OSBPL8: variants seen among roughly 807,000 people sequenced by gnomAD.
OSBPL8 encodes the protein oxysterol-binding protein-related protein 8.
In OSBPL8, 59 loss-of-function variants were observed where a neutral mutation model predicts 125.5. The observed-to-expected ratio is 0.47, with a 90% CI of 0.38 to 0.58. The LOEUF (loss-of-function observed/expected upper bound fraction) is 0.58, where lower values mean the gene tolerates loss of function less well. OSBPL8 is among the 20% of genes least tolerant of loss of function. The pLI, the probability that OSBPL8 is intolerant of heterozygous loss-of-function variation, is 0.00. For missense variants in OSBPL8, 758 were observed against 1,047.8 expected (o/e 0.72, Z 3.82); for synonymous variants, 330 against 338.9 (o/e 0.97, Z 0.29).
At chr12:76,446,926 G>T (rs936093025) in intron 4 of OSBPL8, among the ~76,000 whole-genome samples, 1 of 151,994 alleles carries the variant, frequency 6.6e-6, no homozygotes, top group African/African-American at 2.4e-5. Context: ...TTCACATTAC[G>T]CCTTCAATCA....
chr12:76,498,175 C>T (rs1879476957), intron 1 of OSBPL8, among the ~76,000 whole-genome samples: 2 of 152,122 alleles, frequency 1.3e-5, no homozygotes, highest in African/African-American at 2.4e-5. Flanking sequence ...GAGGCCCAGG[C>T]GGGCGGATCA....
At chr12:76,479,121 G>A (rs920699449) in intron 2 of OSBPL8, among the ~76,000 whole-genome samples, 1 of 152,082 alleles carries the variant, frequency 6.6e-6, no homozygotes, top group Non-Finnish European at 1.5e-5. Context: ...CCCTTTAATA[G>A]AAGTTTCAAT....
At chr12:76,403,695 T>A (rs772406584) in intron 5 of OSBPL8, among the ~76,000 whole-genome samples, 4 of 152,190 alleles carry the variant, frequency 2.6e-5, no homozygotes, top group Non-Finnish European at 5.9e-5. Flanking sequence ...TTAGCAGTAC[T>A]CCTAAGCAGT....
chr12:76,482,614 A>C (rs1262044516), intron 2 of OSBPL8, among the ~76,000 whole-genome samples: 1 of 100,978 alleles, frequency 9.9e-6, no homozygotes, highest in Non-Finnish European at 2.3e-5. Context: ...ACTCCGTTTC[A>C]AAAAAAAAAA....
chr12:76,468,866 C>T lies in OSBPL8; in HGVS notation c.43-8971G>A, dbSNP rs188275913. 2.1e-4 allele frequency among the ~76,000 whole-genome samples: 32 copies of T among 152,314 alleles called. No individual in the cohort carries two copies. The East Asian group carries it at 6.0e-3, about 28-fold the overall frequency. On this transcript the variant is annotated intron_variant, in intron 2 of 23. Transcript: ENST00000261183. The stretch of plus-strand genomic sequence containing the variant: ...TCTGTAATGTCCAACAGGGTAGCTA[C>T]TACCTACATGTAGCTATTGAAATCT...
intron 15 of OSBPL8, among the ~76,000 whole-genome samples, chr12:76,383,424 C>T (rs937770472): frequency 7.3e-5 from 11 of 149,734 alleles, no homozygotes; most frequent in South Asian, 2.1e-4. Flanking sequence ...CAAACCAAAA[C>T]GAACATCAAG....
chr12:76,390,437 G>A lies in OSBPL8; in HGVS notation c.1150C>T (p.His384Tyr). ...LKETTYTEQS[H>Y]EELGEAGEAS... ...ACTTTTACCTCTCCAAGTTCTTCAT[G>A]GCTCTGTTCAGTGTAGGTAGTCTCC... Residue 384 changes from histidine to tyrosine, a missense_variant, in exon 11 of 24, where the codon CAT becomes TAT. Physicochemically the swap from His to Tyr is moderately conservative, Grantham distance 83. This residue lies in a region of OSBPL8 where 572 missense variants were observed against 762.0 expected (regional missense o/e 0.75). Coordinates refer to ENST00000261183, the MANE Select transcript of OSBPL8 (RefSeq NM_020841.5). The A allele has an allele frequency of 1.9e-6, 3 of 1,610,486 alleles. No homozygotes were observed. Among genetic ancestry groups the A allele is most frequent in the Non-Finnish European group, 2.5e-6 (3 of 1,177,934 alleles).
chr12:76,415,971 C>T (rs1444975133), intron 4 of OSBPL8, among the ~76,000 whole-genome samples: 1 of 151,808 alleles, frequency 6.6e-6, no homozygotes, highest in South Asian at 2.1e-4. Context: ...AGATTTTGCT[C>T]TTATTTTTTG....
intron 22 of OSBPL8, among the ~76,000 whole-genome samples, chr12:76,358,434 G>A (rs113119296): frequency 2.0e-5 from 3 of 151,860 alleles, no homozygotes; most frequent in African/African-American, 4.8e-5. Flanking sequence ...TGCCCACCTC[G>A]GCGTCCCAAA....
intron 3 of OSBPL8, among the ~76,000 whole-genome samples, chr12:76,451,445 G>T (rs563531846): frequency 6.6e-6 from 1 of 151,942 alleles, no homozygotes; most frequent in Non-Finnish European, 1.5e-5. Flanking sequence ...TTTGACATTC[G>T]CTAGAATTTC....
intron 8 of OSBPL8, among the ~76,000 whole-genome samples, chr12:76,396,269 A>C (rs1416532031): frequency 1.3e-5 from 2 of 152,096 alleles, no homozygotes; most frequent in Admixed American, 1.3e-4. Flanking sequence ...ATAACGATTA[A>C]AAAGTCCAAG....
rs1238401657 is a variant in OSBPL8 at position 76,434,994 on chromosome 12, C to T, written c.217+15857G>A. Among the ~76,000 whole-genome samples the T allele has an allele frequency of 4.6e-5, 7 of 152,190 alleles. No homozygotes were observed. In the East Asian group the frequency reaches 1.4e-3, roughly 29 times the overall value. ...GAATTACTGTATGATCCAACAACAC[C>T]ACTTCAGAGTATATATCCAAAGGAA... On this transcript the variant is annotated intron_variant, in intron 4 of 23. Transcript: ENST00000261183.
chr12:76,385,452 G>A (rs1448755079), intron 14 of OSBPL8, among the ~76,000 whole-genome samples: 1 of 152,054 alleles, frequency 6.6e-6, no homozygotes, highest in South Asian at 2.1e-4. Flanking sequence ...GGTATCATAG[G>A]GGAGAAGAGG....
At chr12:76,365,509 G>A (rs1246545923) in intron 21 of OSBPL8, among the ~76,000 whole-genome samples, 2 of 152,070 alleles carry the variant, frequency 1.3e-5, no homozygotes, top group East Asian at 3.9e-4. Context: ...AGCTTTCTAT[G>A]GATTCTTTGG....
intron 1 of OSBPL8, among the ~76,000 whole-genome samples, chr12:76,541,177 T>A (rs1168351063): frequency 6.6e-6 from 1 of 152,176 alleles, no homozygotes; most frequent in Non-Finnish European, 1.5e-5. Context: ...GTATTTGCAA[T>A]TTAAAAATTA....
intron 1 of OSBPL8, among the ~76,000 whole-genome samples, chr12:76,510,653 G>A (rs1880878229): frequency 1.3e-5 from 2 of 152,172 alleles, no homozygotes; most frequent in Non-Finnish European, 2.9e-5. Flanking sequence ...GCCGAGGCAG[G>A]CAGATCACCT....
intron 1 of OSBPL8, among the ~76,000 whole-genome samples, chr12:76,514,709 C>A (rs1263440628): frequency 6.6e-6 from 1 of 152,162 alleles, no homozygotes; most frequent in Non-Finnish European, 1.5e-5. Flanking sequence ...TCTAGCAAAG[C>A]TGGGGAAGTT....
Position 76,358,684 on chromosome 12 carries a change from A to T in OSBPL8, c.2434+22T>A, listed in dbSNP as rs377724423. 55 of 1,536,238 alleles carry T rather than the reference A, an allele frequency of 3.6e-5. 1 individual carries two copies. The highest frequency in any genetic ancestry group is 4.9e-5 in the Non-Finnish European group (54 of 1,109,606). On this transcript the variant is annotated intron_variant, in intron 22 of 23. Coordinates refer to ENST00000261183, the MANE Select transcript of OSBPL8 (RefSeq NM_020841.5). ...GTAATTAAAAAGTTAGACTCTCATT[A>T]GTCTGCAATAAATATTTTTACCTTC...
intron 2 of OSBPL8, among the ~76,000 whole-genome samples, chr12:76,464,724 C>A (rs964002587): frequency 2.6e-5 from 4 of 152,174 alleles, no homozygotes; most frequent in African/African-American, 9.7e-5. Flanking sequence ...CCCTTTGGCA[C>A]AGCACTTCCC....
Sources: allele counts gnomAD v4.1 joint callset (sites outside exome capture counted in the v4.1 genomes callset), GRCh38; gene constraint gnomAD v4.1.1; regional missense constraint gnomAD v4.1.1; transcripts MANE v1.5; gene names NCBI Gene and HGNC (gene_info 2026-07-23, HGNC 2026-07-21).